USP49: variants seen among roughly 807,000 people sequenced by gnomAD.
USP49 encodes ubiquitin specific peptidase 49, also known as ubiquitin carboxyl-terminal hydrolase 49.
USP49 carries 24 observed loss-of-function variants against 58.6 expected under a neutral mutation model. The ratio of observed to expected loss-of-function variants is 0.41; its 90% CI spans 0.30 to 0.58. The LOEUF (loss-of-function observed/expected upper bound fraction) is 0.58, where lower values mean the gene tolerates loss of function less well. USP49 is among the 20% of genes least tolerant of loss of function. USP49 has a pLI of 0.30. For synonymous variants in USP49, 408 were observed against 365.1 expected, an observed-to-expected ratio of 1.12 and a Z score of -1.34; for missense variants, 703 against 866.1, an observed-to-expected ratio of 0.81 and a Z score of 2.36.
At chr6:41,875,373 T>C (rs1180355862) in intron 2 of USP49, among the ~76,000 whole-genome samples, 1 of 152,224 alleles carries the variant, frequency 6.6e-6, no homozygotes, top group Non-Finnish European at 1.5e-5. Context: ...AAACATTTAT[T>C]AACTTATGCT....
At chr6:41,845,873 G>C (rs1416375372) in intron 3 of USP49, among the ~76,000 whole-genome samples, 1 of 151,748 alleles carries the variant, frequency 6.6e-6, no homozygotes, top group Non-Finnish European at 1.5e-5. Flanking sequence ...TGTTTCTTTG[G>C]GGATTATGGC....
chr6:41,881,770 T>C (rs1774612864), intron 2 of USP49, among the ~76,000 whole-genome samples: 1 of 152,150 alleles, frequency 6.6e-6, no homozygotes, highest in South Asian at 2.1e-4. Flanking sequence ...AGTATAGTTT[T>C]CCTTCCTTTT....
At chr6:41,895,032 C>T (rs990411469) in intron 1 of USP49, among the ~76,000 whole-genome samples, 1 of 148,742 alleles carries the variant, frequency 6.7e-6, no homozygotes, top group African/African-American at 2.4e-5. Context: ...TCCCGCCGCC[C>T]CCGCCCCGGG....
At chr6:41,824,728 G>A (rs559900546) in intron 3 of USP49, among the ~76,000 whole-genome samples, 1 of 147,040 alleles carries the variant, frequency 6.8e-6, no homozygotes, top group Non-Finnish European at 1.5e-5. Flanking sequence ...ACAAGAACAA[G>A]CCCAAACAAG....
At chr6:41,836,701 A>G (rs1452447835) in intron 3 of USP49, among the ~76,000 whole-genome samples, 1 of 152,230 alleles carries the variant, frequency 6.6e-6, no homozygotes, top group Non-Finnish European at 1.5e-5. Context: ...ACCCCATAGT[A>G]TCTGGCCAAA....
At position 41,802,456 on chromosome 6, in the gene USP49, A is replaced by AT. The variant is rs1186521851; in HGVS notation, c.1561+1349dup. Reference sequence around the variant, plus strand: ...TATTTATTTATTTATTTATTTATTTATTTATTTATTTATTTTTTATTTATT... The same window carrying AT: ...TATTTATTTATTTATTTATTTATTTATTTTATTTATTTATTTTTTATTTATT... On this transcript the variant is annotated intron_variant, in intron 5 of 7. Coordinates refer to ENST00000682992, the MANE Select transcript of USP49 (RefSeq NM_001286554.2). Among the ~76,000 whole-genome samples, 35 of 70,276 alleles carry AT rather than the reference A, an allele frequency of 5.0e-4. 2 individuals are homozygous for AT. Among genetic ancestry groups the AT allele is most frequent in the African/African-American group, 1.5e-3 (26 of 17,136 alleles). 46.1% of individuals were successfully genotyped at this position (70,276 alleles called of 152,430 possible).
At chr6:41,804,476 C>T (rs1429894633) in intron 4 of USP49, among the ~76,000 whole-genome samples, 1 of 152,208 alleles carries the variant, frequency 6.6e-6, no homozygotes, top group East Asian at 1.9e-4. Flanking sequence ...CTGAACCCCT[C>T]TGTCTGCAGA....
Position 41,868,351 on chromosome 6 carries a change from C to T in USP49, c.-29+3213G>A, listed in dbSNP as rs534711186. Among the ~76,000 whole-genome samples the T allele has an allele frequency of 5.3e-5, 8 of 152,222 alleles. No homozygotes were observed. In the East Asian group the frequency reaches 1.2e-3, roughly 22 times the overall value. ...TTATTTATTTAATTTATTTTTGAGACGGAGTCTCGCTCTGTTGCCAGGCTG... is the reference window on the plus strand; with the variant it reads ...TTATTTATTTAATTTATTTTTGAGATGGAGTCTCGCTCTGTTGCCAGGCTG... On this transcript the variant is annotated intron_variant, in intron 3 of 7. Coordinates refer to ENST00000682992, the MANE Select transcript of USP49 (RefSeq NM_001286554.2).
intron 3 of USP49, among the ~76,000 whole-genome samples, chr6:41,868,199 G>C (rs775089009): frequency 6.6e-6 from 1 of 152,112 alleles, no homozygotes; most frequent in African/African-American, 2.4e-5. Flanking sequence ...GGTGAAGACA[G>C]TAACAGTATC....
rs1773130823 is a variant in USP49 at position 41,806,410 on chromosome 6, C to T, written c.574G>A (p.Val192Met). 6 of 1,567,906 alleles carry T rather than the reference C, an allele frequency of 3.8e-6. No homozygotes were observed. The highest frequency in any genetic ancestry group is 5.1e-6 in the Non-Finnish European group (6 of 1,165,622). The change falls in exon 4 of 8, where the codon GTG (valine) becomes ATG (methionine). Residue 192 changes from valine to methionine, a missense_variant. Coordinates refer to ENST00000682992, the MANE Select transcript of USP49 (RefSeq NM_001286554.2). The surrounding 1 kb of genome is among the most constrained non-coding windows in gnomAD (Gnocchi z 5.9). ...AGCTCCTCCAGCAGCCGCCGTTTCA[C>T]CTCGCGCCGCCGCCTCCGCGCCTCC... ...KEEARRRRREVKRRLLEELAS... is the reference protein window; with the variant it reads ...KEEARRRRREMKRRLLEELAS...
chr6:41,809,622 C>G (rs562097642), intron 3 of USP49, among the ~76,000 whole-genome samples: 1 of 151,372 alleles, frequency 6.6e-6, no homozygotes, highest in African/African-American at 2.4e-5. Context: ...GTCAGGAGAT[C>G]GAGACCATCC....
chr6:41,810,867 C>T (rs1773246282), intron 3 of USP49, among the ~76,000 whole-genome samples: 1 of 152,082 alleles, frequency 6.6e-6, no homozygotes, highest in African/African-American at 2.4e-5. Flanking sequence ...CCGGTAGTTC[C>T]TCTTTCAAGG....
intron 3 of USP49, among the ~76,000 whole-genome samples, chr6:41,807,336 C>T (rs1189414635): frequency 6.6e-6 from 1 of 152,070 alleles, no homozygotes; most frequent in African/African-American, 2.4e-5. Flanking sequence ...AGGTCGATTG[C>T]AATGTTTTTC....
At chr6:41,860,947 T>C (rs535034064) in intron 3 of USP49, among the ~76,000 whole-genome samples, 108 of 151,510 alleles carry the variant, frequency 7.1e-4, no homozygotes, top group Non-Finnish European at 1.9e-4. Context: ...CTGGACAAGA[T>C]AGTGAAACCC....
intron 3 of USP49, among the ~76,000 whole-genome samples, chr6:41,842,549 G>A (rs1244345115): frequency 6.6e-6 from 1 of 152,124 alleles, no homozygotes; most frequent in East Asian, 1.9e-4. Flanking sequence ...AAATGCTCAT[G>A]TCTGTGTATA....
intron 3 of USP49, among the ~76,000 whole-genome samples, chr6:41,850,464 A>AC (rs1429599717): frequency 6.7e-6 from 1 of 149,278 alleles, no homozygotes; most frequent in Non-Finnish European, 1.5e-5. Flanking sequence ...AAAAAAAAAA[A>AC]ATAAATAAAT....
At chr6:41,847,192 TAAAG>T (rs1773938491) in intron 3 of USP49, among the ~76,000 whole-genome samples, 1 of 152,126 alleles carries the variant, frequency 6.6e-6, no homozygotes, top group Non-Finnish European at 1.5e-5. Flanking sequence ...AAACAGGCCC[TAAAG>T]AAATGCAGAT....
chr6:41,861,390 C>T (rs1774220111), intron 3 of USP49, among the ~76,000 whole-genome samples: 1 of 152,118 alleles, frequency 6.6e-6, no homozygotes, highest in African/African-American at 2.4e-5. Context: ...TTGCAGTGAG[C>T]CAAGATCGCG....
At chr6:41,798,273 ATTCTTT>A (rs2127316835) in intron 7 of USP49, 1 of 175,684 alleles carries the variant, frequency 5.7e-6, no homozygotes, top group East Asian at 1.5e-4. Context: ...AACTTTCATA[ATTCTTT>A]TTATTTTTTT....
Sources: gnomAD v4.1 joint callset for allele counts (sites outside exome capture counted in the v4.1 genomes callset) on GRCh38, gnomAD v4.1.1 for gene constraint, Gnocchi (gnomAD v3.1) non-coding constraint, MANE v1.5 for transcripts, NCBI Gene and HGNC (gene_info 2026-07-23, HGNC 2026-07-21) for gene names.